The following RAF1 variants were observed in gnomAD, a reference collection of about 807,000 sequenced individuals.
RAF1 encodes RAF proto-oncogene serine/threonine-protein kinase.
RAF1 carries 27 observed loss-of-function variants against 81.1 expected under a neutral mutation model. That is an observed-to-expected ratio of 0.33 (90% confidence interval 0.25 to 0.46). RAF1 has a LOEUF of 0.46. RAF1 is among the 20% of genes least tolerant of loss of function. The pLI, the probability that RAF1 is intolerant of heterozygous loss-of-function variation, is 1.00. For synonymous variants in RAF1, 298 were observed against 294.0 expected (o/e 1.01, Z -0.14); for missense variants, 598 against 826.0 (o/e 0.72, Z 3.38).
chr3:12,584,137 G>C lies in RAF1; in HGVS notation c.*377C>G. Reference sequence around the variant, plus strand: ...GAAGCTGATTTCCAAAATCCCATGTGTCTCCACATCAGGGCTGGACTGCCT... The same window carrying C: ...GAAGCTGATTTCCAAAATCCCATGTCTCTCCACATCAGGGCTGGACTGCCT... On this transcript the variant is annotated 3_prime_UTR_variant, in exon 18 of 18. Coordinates refer to ENST00000442415, the MANE Select transcript of RAF1 (RefSeq NM_001354689.3). 2.9e-6 allele frequency: 1 copy of C among 339,076 alleles called. No individual in the cohort carries two copies. The highest frequency in any genetic ancestry group is 4.3e-5 in the Admixed American group (1 of 23,208). 21.0% of individuals were successfully genotyped at this position (339,076 alleles called of 1,614,324 possible). A position where few individuals can be genotyped will look rare whatever the true frequency, so the allele number is the denominator to read the frequency against.
At chr3:12,595,618 T>G (rs1191203806) in intron 11 of RAF1, among the ~76,000 whole-genome samples, 1 of 152,030 alleles carries the variant, frequency 6.6e-6, no homozygotes, top group African/African-American at 2.4e-5. Flanking sequence ...TCTCCTTGAG[T>G]TCTCGGAGCA....
chr3:12,589,042 G>T, intron 13 of RAF1: 1 of 155,688 alleles, frequency 6.4e-6, no homozygotes, highest in Non-Finnish European at 1.4e-5. Context: ...CTTCTGCCAT[G>T]AGTGAAAGCT....
At chr3:12,663,431 A>G (rs978469973) in intron 1 of RAF1, among the ~76,000 whole-genome samples, 3 of 152,228 alleles carry the variant, frequency 2.0e-5, no homozygotes, top group African/African-American at 4.8e-5. Context: ...GAAAGGGTGC[A>G]AGCCCGGGTC....
At chr3:12,585,483 C>T in intron 15 of RAF1, 198 bp downstream of exon 14, 1 of 958,406 alleles carries the variant, frequency 1.0e-6, no homozygotes, top group Non-Finnish European at 1.2e-6. Flanking sequence ...TTATTAACTC[C>T]TCTCCACACT....
intron 11 of RAF1, among the ~76,000 whole-genome samples, chr3:12,593,892 G>T (rs1372690209): frequency 6.7e-6 from 1 of 149,866 alleles, no homozygotes; most frequent in African/African-American, 2.5e-5. Context: ...AGCCTTCCAA[G>T]CAGCTGGGAC....
At chr3:12,599,630 G>T in intron 11 of RAF1, 61 bp downstream of exon 10, 1 of 1,310,000 alleles carries the variant, frequency 7.6e-7, no homozygotes, top group Non-Finnish European at 1.1e-6. Context: ...TGGCCCCCTG[G>T]GCTGAAACTT....
intron 6 of RAF1, among the ~76,000 whole-genome samples, 163 bp downstream of exon 6, chr3:12,606,038 T>G (rs944427896): frequency 2.1e-5 from 2 of 94,002 alleles, no homozygotes; most frequent in Admixed American, 1.1e-4. Flanking sequence ...AAACAGAAAT[T>G]TCTACCTTTT....
chr3:12,599,293 T>C (rs1311746638), intron 11 of RAF1: 3 of 205,102 alleles, frequency 1.5e-5, no homozygotes, highest in African/African-American at 2.3e-5. Context: ...TGCATGACCA[T>C]GGGCAAATCA....
At chr3:12,608,601 CTAG>C in intron 5 of RAF1, 162 bp downstream of exon 5, 1 of 783,908 alleles carries the variant, frequency 1.3e-6, no homozygotes, top group South Asian at 1.6e-5. Context: ...GCCACCAAAC[CTAG>C]CTAGTTTCAG....
chr3:12,647,310 A>G (rs1229732540), intron 1 of RAF1, among the ~76,000 whole-genome samples: 2 of 113,204 alleles, frequency 1.8e-5, no homozygotes, highest in African/African-American at 3.5e-5. Flanking sequence ...AAAAAAAAAA[A>G]GAAATTCAGG....
intron 5 of RAF1, among the ~76,000 whole-genome samples, chr3:12,607,188 A>C (rs1350164481): frequency 6.6e-6 from 1 of 152,172 alleles, no homozygotes; most frequent in Non-Finnish European, 1.5e-5. Context: ...CCTTTTTTCC[A>C]TGAGGTGGGC....
rs1428937262 is a variant in RAF1, at chr3:12,663,928, C to G, written c.-142G>C. The G allele has an allele frequency of 2.5e-6, 1 of 398,234 alleles. No homozygotes were observed. Among genetic ancestry groups the G allele is most frequent in the East Asian group, 3.6e-5 (1 of 28,074 alleles). The allele number at this position is 398,234 out of a possible 1,614,324, so 24.7% of individuals were successfully genotyped here. A position where few individuals can be genotyped will look rare whatever the true frequency, so the allele number is the denominator to read the frequency against. ...CGGTCACATTCGGCGCGTCCCCAGCCCAGGGGACGGAGCCCCGAGCAGCCC... is the reference window on the plus strand; with the variant it reads ...CGGTCACATTCGGCGCGTCCCCAGCGCAGGGGACGGAGCCCCGAGCAGCCC... On this transcript the variant is annotated 5_prime_UTR_variant, in exon 1 of 18. Coordinates refer to ENST00000442415, the MANE Select transcript of RAF1 (RefSeq NM_001354689.3).
intron 3 of RAF1, among the ~76,000 whole-genome samples, chr3:12,611,007 A>T (rs74808157): frequency 1.3e-4 from 19 of 148,444 alleles, no homozygotes; most frequent in Admixed American, 1.2e-3. Flanking sequence ...TTAACTGAAT[A>T]AAAAAAAAAA....
At chr3:12,657,957 T>G (rs2060752762) in intron 1 of RAF1, among the ~76,000 whole-genome samples, 1 of 152,106 alleles carries the variant, frequency 6.6e-6, no homozygotes, top group South Asian at 2.1e-4. Context: ...TTTCTGTCAC[T>G]AAGGATTTTC....
chr3:12,646,553 GT>G (rs1450181238), intron 1 of RAF1, among the ~76,000 whole-genome samples: 5 of 141,426 alleles, frequency 3.5e-5, no homozygotes, highest in African/African-American at 1.4e-4. Flanking sequence ...TTTTGTATTT[GT>G]CTTTTTTTTT....
At chr3:12,663,321 C>A (rs1029358864) in intron 1 of RAF1, among the ~76,000 whole-genome samples, 1 of 152,202 alleles carries the variant, frequency 6.6e-6, no homozygotes, top group Admixed American at 6.5e-5. Flanking sequence ...CAAGAAGAGG[C>A]CCCTGTGCCT....
At position 12,599,769 on chromosome 3, in the gene RAF1, T is replaced by C. The variant is rs1169563312; in HGVS notation, c.1090A>G (p.Ile364Val). The change falls in exon 11 of 18, where the codon ATA becomes GTA. Residue 364 changes from isoleucine (I) to valine (V), a missense_variant. Around this residue, in one of 5 missense-constraint regions of RAF1, gnomAD observed 194 missense variants for 202.7 expected, o/e 0.96. Transcript: ENST00000442415. ...GACAGCATCACTTCACTGGCTTCTA[T>C]TTCCCAATAATAGCTTGAATCTCTC... 5.6e-6 allele frequency: 9 copies of C among 1,614,224 alleles called. No individual in the cohort carries two copies. The highest frequency in any genetic ancestry group is 2.2e-5 in the East Asian group (1 of 44,884).
chr3:12,623,673 A>G (rs997068189), intron 1 of RAF1, among the ~76,000 whole-genome samples: 1 of 151,808 alleles, frequency 6.6e-6, no homozygotes, highest in African/African-American at 2.4e-5. Context: ...GGGCACCTGT[A>G]GTCCCAGCTA....
In RAF1 at chr3:12,613,758, G is replaced by T. The variant is rs139671478; in HGVS notation, c.208-1696C>A. 3.8e-4 allele frequency among the ~76,000 whole-genome samples: 58 copies of T among 152,262 alleles called. No individual in the cohort carries two copies. The East Asian group carries it at 0.01, about 27-fold the overall frequency. ...AAGGAATTTGAAAACATCAGAGAGG[G>T]GCAACGTAAGAAGTTTTTCACAAGG... On this transcript the variant is annotated intron_variant, in intron 2 of 17. Coordinates refer to ENST00000442415, the MANE Select transcript of RAF1 (RefSeq NM_001354689.3).
Sources: gnomAD v4.1 joint callset for allele counts (sites outside exome capture counted in the v4.1 genomes callset) on GRCh38, gnomAD v4.1.1 for gene constraint, gnomAD v4.1.1 regional missense constraint, MANE v1.5 for transcripts, NCBI Gene and HGNC (gene_info 2026-07-23, HGNC 2026-07-21) for gene names.